Variants in TBC1D5 observed in about 807,000 individuals in gnomAD.
TBC1D5 encodes the protein TBC1 domain family member 5.
TBC1D5 carries 75 observed loss-of-function variants against 100.3 expected under a neutral mutation model. The observed-to-expected ratio is 0.75, with a 90% CI of 0.62 to 0.91. TBC1D5 has a LOEUF of 0.91. Ranked by LOEUF, TBC1D5 falls within the 40% of genes least tolerant of loss-of-function variation. The probability of loss-of-function intolerance (pLI) is 0.00; values close to 1 mark genes in which losing one functional copy is unlikely to be tolerated. For synonymous variants in TBC1D5, 323 were observed against 325.6 expected, an observed-to-expected ratio of 0.99 and a Z score of 0.09; for missense variants, 910 against 942.4, an observed-to-expected ratio of 0.97 and a Z score of 0.45.
At chr3:17,219,282 T>TA (rs1204633972) in intron 17 of TBC1D5, among the ~76,000 whole-genome samples, 1 of 151,946 alleles carries the variant, frequency 6.6e-6, no homozygotes, top group African/African-American at 2.4e-5. Context: ...CTATTTTTTT[T>TA]ACTGATCTTC....
In TBC1D5 at chr3:17,649,843, C is replaced by G. The variant is rs576822831; in HGVS notation, c.-100-25930G>C. 3.9e-5 allele frequency among the ~76,000 whole-genome samples: 6 copies of G among 152,246 alleles called. No individual in the cohort carries two copies. The South Asian group carries it at 1.2e-3, about 32-fold the overall frequency. On this transcript the variant is annotated intron_variant, in intron 1 of 21. Coordinates refer to ENST00000253692, the Ensembl canonical transcript of TBC1D5. ...ATTCTACTATAAAGACACATGCACA[C>G]GTATGTTTACTGCGGCACTATTCAC...
At chr3:17,716,455 A>AG (rs386396048) in intron 1 of TBC1D5, among the ~76,000 whole-genome samples, 1 of 151,902 alleles carries the variant, frequency 6.6e-6, no homozygotes, top group Admixed American at 6.6e-5. Context: ...AGGGAAAAAA[A>AG]AAATTAAAGA....
intron 13 of TBC1D5, among the ~76,000 whole-genome samples, chr3:17,360,945 T>A (rs1248327221): frequency 6.6e-6 from 1 of 152,002 alleles, no homozygotes; most frequent in East Asian, 1.9e-4. Flanking sequence ...GCCATCTAAT[T>A]GAAAGAAATT....
At chr3:17,520,505 TACTC>T (rs764549484) in intron 2 of TBC1D5, among the ~76,000 whole-genome samples, 6 of 152,142 alleles carry the variant, frequency 3.9e-5, no homozygotes, top group Admixed American at 6.5e-5. Flanking sequence ...TCTTTATAAA[TACTC>T]AGATAAAGAA....
intron 3 of TBC1D5, among the ~76,000 whole-genome samples, chr3:17,474,933 G>GA (rs1163587045): frequency 2.6e-5 from 4 of 151,482 alleles, no homozygotes; most frequent in South Asian, 4.2e-4. Context: ...CAATGTGGAA[G>GA]AAAAAAAAGA....
At chr3:17,311,843 G>A (rs1575265143) in intron 13 of TBC1D5, among the ~76,000 whole-genome samples, 1 of 152,004 alleles carries the variant, frequency 6.6e-6, no homozygotes, top group South Asian at 2.1e-4. Flanking sequence ...ATACCACTAG[G>A]TGAGCATGCT....
At chr3:17,249,484 A>G (rs1460138132) in intron 16 of TBC1D5, among the ~76,000 whole-genome samples, 3 of 152,150 alleles carry the variant, frequency 2.0e-5, no homozygotes, top group Non-Finnish European at 2.9e-5. Flanking sequence ...GGTGGGGCCT[A>G]GTGAGAGGTG....
chr3:17,383,890 C>T (rs771614126), intron 9 of TBC1D5, 23 bp downstream of exon 9: 2 of 1,557,354 alleles, frequency 1.3e-6, no homozygotes, highest in African/African-American at 2.7e-5. Flanking sequence ...CAATGGATGC[C>T]ACCTGTAAGA....
intron 2 of TBC1D5, among the ~76,000 whole-genome samples, chr3:17,532,006 G>A (rs562707134): frequency 3.7e-4 from 57 of 152,268 alleles, no homozygotes; most frequent in East Asian, 1.9e-3. Context: ...AAACTAAAGA[G>A]CTTCTGAACA....
At chr3:17,622,789 A>G (rs1032286820) in intron 2 of TBC1D5, 16 of 152,142 alleles carry the variant, frequency 1.1e-4, no homozygotes, top group African/African-American at 3.9e-4. Context: ...ACCATAGAAC[A>G]CACTTTGGAA....
intron 2 of TBC1D5, among the ~76,000 whole-genome samples, chr3:17,602,811 G>A (rs926897107): frequency 1.6e-4 from 24 of 151,924 alleles, no homozygotes; most frequent in Middle Eastern, 3.4e-3. Flanking sequence ...TCCTGACCTC[G>A]TGATCCACCC....
intron 15 of TBC1D5, among the ~76,000 whole-genome samples, chr3:17,280,061 G>A (rs1399958980): frequency 6.6e-6 from 1 of 152,186 alleles, no homozygotes; most frequent in East Asian, 1.9e-4. Context: ...ATTATTGCAG[G>A]TACCCTGGAA....
intron 14 of TBC1D5, among the ~76,000 whole-genome samples, chr3:17,292,301 C>T (rs2081842498): frequency 6.6e-6 from 1 of 152,100 alleles, no homozygotes; most frequent in Non-Finnish European, 1.5e-5. Context: ...TATTTATTGC[C>T]ATTTATATGG....
At chr3:17,408,627 C>CT (rs1419437413) in intron 4 of TBC1D5, among the ~76,000 whole-genome samples, 1 of 152,094 alleles carries the variant, frequency 6.6e-6, no homozygotes, top group East Asian at 1.9e-4. Flanking sequence ...AAGTCCTATA[C>CT]TTTTAAAAAT....
intron 19 of TBC1D5, among the ~76,000 whole-genome samples, chr3:17,183,778 C>T (rs1249396203): frequency 1.3e-5 from 2 of 152,148 alleles, no homozygotes; most frequent in Non-Finnish European, 2.9e-5. Flanking sequence ...TAGGCTATAT[C>T]CAAATGACAG....
At chr3:17,420,724 A>T (rs1188218657) in intron 4 of TBC1D5, among the ~76,000 whole-genome samples, 1 of 152,218 alleles carries the variant, frequency 6.6e-6, no homozygotes, top group Non-Finnish European at 1.5e-5. Context: ...ACAAACAGTG[A>T]TCCATAGGAC....
chr3:17,164,996 G>A (rs568259736), intron 21 of TBC1D5, among the ~76,000 whole-genome samples: 15 of 152,232 alleles, frequency 9.9e-5, no homozygotes, highest in Non-Finnish European at 2.1e-4. Context: ...GAGAAGAGAA[G>A]CCATTTTATT....
intron 14 of TBC1D5, among the ~76,000 whole-genome samples, chr3:17,293,305 G>C (rs568144614): frequency 7.2e-4 from 110 of 152,262 alleles, no homozygotes; most frequent in African/African-American, 2.4e-3. Context: ...TTTATGTACA[G>C]ATTTCTTTGA....
chr3:17,455,506 GTGTGTGTATATATATATATATATA>G (rs1559924931), intron 3 of TBC1D5, among the ~76,000 whole-genome samples: 2,554 of 120,618 alleles, frequency 0.021, 71 homozygotes, highest in African/African-American at 0.088. Context: ...ATATATATGT[GTGTGTGTATATATATATATATATA>G]TGTGTGTGTG....
Sources: allele counts gnomAD v4.1 joint callset (sites outside exome capture counted in the v4.1 genomes callset), GRCh38; gene constraint gnomAD v4.1.1; transcripts MANE v1.5; gene names NCBI Gene and HGNC (gene_info 2026-07-23, HGNC 2026-07-21).